Variants in GTF2E1 observed in about 807,000 individuals in gnomAD.
The protein encoded by GTF2E1 is general transcription factor IIE subunit 1.
GTF2E1 carries 14 observed loss-of-function variants against 34.9 expected under a neutral mutation model. That is an observed-to-expected ratio of 0.40 (90% CI 0.27 to 0.63). The LOEUF (loss-of-function observed/expected upper bound fraction) is 0.63, where lower values mean the gene tolerates loss of function less well. Among genes scored for constraint, GTF2E1 ranks in the 20% least tolerant of loss-of-function variants. The pLI is 0.39. For missense variants in GTF2E1, 469 were observed against 557.7 expected (o/e 0.84, Z 1.60); for synonymous variants, 188 against 192.9 (o/e 0.97, Z 0.21).
At chr3:120,746,489 C>CA (rs10662803) in intron 1 of GTF2E1, among the ~76,000 whole-genome samples, 6,180 of 135,960 alleles carry the variant, frequency 0.045, 152 homozygotes, top group Middle Eastern at 0.082. Flanking sequence ...ACCCTGTCTC[C>CA]AAAAAAAAAA....
chr3:120,752,945 G>A (rs896915466), intron 2 of GTF2E1, among the ~76,000 whole-genome samples: 2 of 152,098 alleles, frequency 1.3e-5, no homozygotes, highest in African/African-American at 4.8e-5. Flanking sequence ...CTACAGTAAA[G>A]CCTGAGGTAT....
intron 3 of GTF2E1, among the ~76,000 whole-genome samples, chr3:120,773,871 C>G (rs936274852): frequency 2.0e-5 from 3 of 152,158 alleles, no homozygotes; most frequent in Admixed American, 2.0e-4. Context: ...TCTTGAATTT[C>G]TATGACAGAA....
chr3:120,776,649 G>T lies in GTF2E1; in HGVS notation c.877G>T (p.Glu293Ter). ...ESTVQGAYGS[E>*]DMKEGGIDMD... ...CACTGTCCAAGGGGCATATGGTTCTGAAGATATGAAAGAAGGTAAGAGTAG... is the reference window on the plus strand; with the variant it reads ...CACTGTCCAAGGGGCATATGGTTCTTAAGATATGAAAGAAGGTAAGAGTAG... Residue 293 changes from glutamate to a stop codon, truncating the protein, a stop_gained, in exon 4 of 5, where the codon GAA (glutamate) becomes TAA (stop). Transcript: ENST00000283875. LOFTEE classifies it high-confidence loss of function. 1 of 1,613,240 alleles carries T rather than the reference G, an allele frequency of 6.2e-7. No homozygotes were observed.
At chr3:120,779,471 A>G (rs1709428954) in intron 4 of GTF2E1, among the ~76,000 whole-genome samples, 1 of 152,208 alleles carries the variant, frequency 6.6e-6, no homozygotes, top group Admixed American at 6.5e-5. Flanking sequence ...CATGTTATCA[A>G]AAGCCTCTTT....
At chr3:120,744,075 C>G (rs1300379540) in intron 1 of GTF2E1, among the ~76,000 whole-genome samples, 1 of 152,164 alleles carries the variant, frequency 6.6e-6, no homozygotes, top group Non-Finnish European at 1.5e-5. Flanking sequence ...AGCTGCTATT[C>G]GGCTTCAGCT....
chr3:120,752,994 T>G, intron 2 of GTF2E1, among the ~76,000 whole-genome samples: 1 of 152,228 alleles, frequency 6.6e-6, no homozygotes, highest in East Asian at 1.9e-4. Flanking sequence ...ACCCTCATTC[T>G]GAGAACATAC....
intron 2 of GTF2E1, among the ~76,000 whole-genome samples, chr3:120,759,765 T>A (rs1709241798): frequency 6.6e-6 from 1 of 152,246 alleles, no homozygotes; most frequent in Non-Finnish European, 1.5e-5. Flanking sequence ...GTGGTGTTAT[T>A]TCTGAGGCCT....
intron 2 of GTF2E1, among the ~76,000 whole-genome samples, chr3:120,760,201 A>G (rs1198002113): frequency 6.6e-6 from 1 of 152,128 alleles, no homozygotes; most frequent in African/African-American, 2.4e-5. Context: ...GCAATTGTGA[A>G]TGGGAGTTCA....
chr3:120,751,165 C>T (rs1331536488), intron 2 of GTF2E1, 165 bp downstream of exon 2: 1 of 559,276 alleles, frequency 1.8e-6, no homozygotes, highest in Non-Finnish European at 3.1e-6. Context: ...TTGGCTGTCG[C>T]ACTACTTTGA....
chr3:120,755,549 A>T (rs1318581790), intron 2 of GTF2E1, among the ~76,000 whole-genome samples: 1 of 152,212 alleles, frequency 6.6e-6, no homozygotes, highest in African/African-American at 2.4e-5. Flanking sequence ...ATGTTTTGAT[A>T]CAGGCATGCA....
At chr3:120,767,724 T>G (rs986008804) in intron 2 of GTF2E1, among the ~76,000 whole-genome samples, 7 of 152,202 alleles carry the variant, frequency 4.6e-5, no homozygotes, top group Non-Finnish European at 2.9e-5. Context: ...TCACAGTTCT[T>G]AGTAATAATG....
intron 2 of GTF2E1, among the ~76,000 whole-genome samples, chr3:120,760,964 C>G (rs1375584828): frequency 1.3e-5 from 2 of 152,122 alleles, no homozygotes; most frequent in African/African-American, 4.8e-5. Context: ...AGGATTTCCT[C>G]TTTTTCTATT....
At chr3:120,769,604 A>G (rs774712415) in intron 2 of GTF2E1, among the ~76,000 whole-genome samples, 2 of 152,172 alleles carry the variant, frequency 1.3e-5, no homozygotes, top group African/African-American at 2.4e-5. Flanking sequence ...AGCAGCAGTC[A>G]CTTGTGCAAG....
intron 1 of GTF2E1, among the ~76,000 whole-genome samples, chr3:120,746,593 G>A (rs925576006): frequency 3.3e-5 from 5 of 151,972 alleles, no homozygotes; most frequent in South Asian, 2.1e-4. Context: ...GAGCCCAGAA[G>A]TTCGAGACCA....
chr3:120,753,222 C>T (rs142620374), intron 2 of GTF2E1, among the ~76,000 whole-genome samples: 33 of 151,658 alleles, frequency 2.2e-4, no homozygotes, highest in African/African-American at 7.5e-4. Flanking sequence ...TTGTTTTGCT[C>T]GGTATTCATC....
chr3:120,771,246 G>A (rs865928478), intron 3 of GTF2E1, among the ~76,000 whole-genome samples: 1 of 152,032 alleles, frequency 6.6e-6, no homozygotes, highest in South Asian at 2.1e-4. Flanking sequence ...TGCCGCTTGG[G>A]GATATTTGAA....
Position 120,781,245 on chromosome 3 carries a change from T to G in GTF2E1, c.1095T>G (p.Ser365=). 4.3e-6 allele frequency: 7 copies of G among 1,614,144 alleles called. No homozygotes were observed. Among genetic ancestry groups the G allele is most frequent in the Non-Finnish European group, 5.9e-6 (7 of 1,180,002 alleles). Residue 365 remains serine (S), a synonymous_variant, in exon 5 of 5, where the codon TCT becomes TCG. Coordinates refer to ENST00000283875, the MANE Select transcript of GTF2E1 (RefSeq NM_005513.3). ...ESETSESDDD[S]PPRPAAVAVH... The stretch of plus-strand genomic sequence containing the variant: ...AGACCAGTGAGTCAGATGATGATTC[T>G]CCACCCCGTCCGGCAGCTGTGGCTG...
At chr3:120,746,977 CCTTA>C (rs1350877792) in intron 1 of GTF2E1, among the ~76,000 whole-genome samples, 1 of 152,158 alleles carries the variant, frequency 6.6e-6, no homozygotes, top group Non-Finnish European at 1.5e-5. Flanking sequence ...TTGATACTAT[CCTTA>C]CTTCTTAGCG....
chr3:120,756,540 C>T (rs533539577), intron 2 of GTF2E1, among the ~76,000 whole-genome samples: 3 of 152,168 alleles, frequency 2.0e-5, no homozygotes, highest in South Asian at 2.1e-4. Flanking sequence ...GAACAAGTAT[C>T]GTCCCTCTTC....
Sources: allele counts gnomAD v4.1 joint callset (sites outside exome capture counted in the v4.1 genomes callset), GRCh38; gene constraint gnomAD v4.1.1; transcripts MANE v1.5; gene names NCBI Gene and HGNC (gene_info 2026-07-23, HGNC 2026-07-21).